PARD3B: variants seen among roughly 807,000 people sequenced by gnomAD.
The protein encoded by PARD3B is par-3 family cell polarity regulator beta.
PARD3B carries 103 observed loss-of-function variants against 130.2 expected under a neutral mutation model. That is an observed-to-expected ratio of 0.79 (90% CI 0.67 to 0.93). The LOEUF (loss-of-function observed/expected upper bound fraction) is 0.93, where lower values mean the gene tolerates loss of function less well. Among genes scored for constraint, PARD3B ranks in the 40% least tolerant of loss-of-function variants. The pLI, the probability that PARD3B is intolerant of heterozygous loss-of-function variation, is 0.00. For missense variants in PARD3B, 1,609 were observed against 1,499.2 expected (o/e 1.07, Z -1.21); for synonymous variants, 583 against 553.2 (o/e 1.05, Z -0.76).
At chr2:205,462,608 T>G (rs1472284764) in intron 20 of PARD3B, among the ~76,000 whole-genome samples, 1 of 152,216 alleles carries the variant, frequency 6.6e-6, no homozygotes, top group Non-Finnish European at 1.5e-5. Context: ...TAATAAACAC[T>G]AACACTTTTC....
At chr2:205,335,587 T>G (rs1319767897) in intron 18 of PARD3B, among the ~76,000 whole-genome samples, 2 of 151,916 alleles carry the variant, frequency 1.3e-5, no homozygotes, top group African/African-American at 4.8e-5. Context: ...CACATAACAC[T>G]GAGGTTTATA....
intron 3 of PARD3B, among the ~76,000 whole-genome samples, chr2:205,033,304 T>G (rs1474303336): frequency 6.6e-6 from 1 of 152,200 alleles, no homozygotes; most frequent in African/African-American, 2.4e-5. Context: ...ATTATTTTAG[T>G]CAAGGTATTT....
chr2:205,464,733 C>T (rs2048564913), intron 20 of PARD3B, among the ~76,000 whole-genome samples: 1 of 152,206 alleles, frequency 6.6e-6, no homozygotes, highest in Non-Finnish European at 1.5e-5. Flanking sequence ...CCAAATCACA[C>T]AGGCCAGATA....
intron 2 of PARD3B, among the ~76,000 whole-genome samples, chr2:204,932,165 G>A (rs1040161973): frequency 1.1e-4 from 17 of 152,018 alleles, no homozygotes; most frequent in African/African-American, 3.6e-4. Context: ...TCAGTATAGA[G>A]GATTGACACA....
chr2:204,742,580 T>C (rs747560922), intron 2 of PARD3B, among the ~76,000 whole-genome samples: 2 of 152,154 alleles, frequency 1.3e-5, no homozygotes, highest in African/African-American at 2.4e-5. Flanking sequence ...TTAACCAGGG[T>C]TGTTTTATTC....
intron 4 of PARD3B, among the ~76,000 whole-genome samples, chr2:205,100,230 G>A (rs999396910): frequency 2.6e-5 from 4 of 152,112 alleles, no homozygotes; most frequent in Admixed American, 6.5e-5. Flanking sequence ...AGAGTATGGT[G>A]CAGAGGCAAC....
chr2:205,183,274 C>T lies in PARD3B; in HGVS notation c.1925-2490C>T, dbSNP rs981513666. On this transcript the variant is annotated intron_variant, in intron 13 of 22. Coordinates refer to ENST00000406610, the MANE Select transcript of PARD3B (RefSeq NM_001302769.2). The surrounding 1 kb of genome is among the most constrained non-coding windows in gnomAD (Gnocchi z 5.2). ...TTTGCCAGGATCATAGACCTTTATT[C>T]CGTAGGCAATGTGTGCAGCTGAAGT... 1.3e-5 allele frequency among the ~76,000 whole-genome samples: 2 copies of T among 152,076 alleles called. No individual in the cohort carries two copies. Among genetic ancestry groups the T allele is most frequent in the Non-Finnish European group, 2.9e-5 (2 of 68,012 alleles).
At chr2:205,088,452 G>C (rs769102064) in intron 4 of PARD3B, among the ~76,000 whole-genome samples, 1 of 152,114 alleles carries the variant, frequency 6.6e-6, no homozygotes, top group African/African-American at 2.4e-5. Context: ...GCTGGGCTTG[G>C]GGGGATGACT....
At chr2:205,395,193 A>G (rs1305769023) in intron 18 of PARD3B, among the ~76,000 whole-genome samples, 2 of 152,148 alleles carry the variant, frequency 1.3e-5, no homozygotes, top group African/African-American at 4.8e-5. Flanking sequence ...TACCCAGTCT[A>G]TAATGGTTGT....
chr2:205,006,238 G>A (rs1466341462), intron 3 of PARD3B, among the ~76,000 whole-genome samples: 2 of 152,072 alleles, frequency 1.3e-5, no homozygotes, highest in African/African-American at 2.4e-5. Context: ...GGTTGGTTCC[G>A]TATCTTTGCA....
At chr2:205,503,037 TCTCTTCCCTCTTCC>T (rs1304437862) in intron 21 of PARD3B, among the ~76,000 whole-genome samples, 1 of 143,034 alleles carries the variant, frequency 7.0e-6, no homozygotes, top group African/African-American at 2.6e-5. Flanking sequence ...CTCTCTCTTC[TCTCTTCCCTCTTCC>T]CTCTTCCCCT....
chr2:205,130,708 A>G (rs538117252), intron 10 of PARD3B, among the ~76,000 whole-genome samples: 42 of 152,334 alleles, frequency 2.8e-4, no homozygotes, highest in Non-Finnish European at 4.4e-4. Flanking sequence ...AAATGTATTT[A>G]TAATTTCTAC....
rs6761602 is a variant in PARD3B, at chr2:204,545,477, C to A, written c.-523C>A. Reference sequence around the variant, plus strand: ...GCCGGGCCCAGGCCGTCGCCGGGACCGCAGGAGCCCAGAGCGCGGGCGCCG... The same window carrying A: ...GCCGGGCCCAGGCCGTCGCCGGGACAGCAGGAGCCCAGAGCGCGGGCGCCG... On this transcript the variant is annotated 5_prime_UTR_variant, in exon 1 of 23. Coordinates refer to ENST00000406610, the MANE Select transcript of PARD3B (RefSeq NM_001302769.2). Among the ~76,000 whole-genome samples the A allele has an allele frequency of 0.017, 2,648 of 152,116 alleles. 76 individuals are homozygous for A. The highest frequency in any genetic ancestry group is 0.059 in the African/African-American group (2,466 of 41,534).
At chr2:204,702,230 G>C (rs567742859) in intron 2 of PARD3B, among the ~76,000 whole-genome samples, 62 of 152,250 alleles carry the variant, frequency 4.1e-4, no homozygotes, top group South Asian at 1.7e-3. Context: ...CTTTTTGGTA[G>C]AGGATTTGTT....
intron 1 of PARD3B, among the ~76,000 whole-genome samples, chr2:204,679,519 A>C (rs2036720307): frequency 6.6e-6 from 1 of 152,192 alleles, no homozygotes; most frequent in Admixed American, 6.5e-5. Flanking sequence ...CAAGATCAAT[A>C]TCTTCACAAT....
At chr2:204,933,289 G>T (rs185457919) in intron 2 of PARD3B, among the ~76,000 whole-genome samples, 279 of 152,256 alleles carry the variant, frequency 1.8e-3, no homozygotes, top group African/African-American at 6.4e-3. Context: ...AAAATTGTGT[G>T]TGGATGTAGG....
rs2040389637 is a variant in PARD3B, at chr2:205,263,362, G to A, written c.2185+17540G>A. ...AGAGGAGGTCCAAGCAAAAGCAGTG[G>A]ATAACAGTGCAAACAGGAACTATTT... On this transcript the variant is annotated intron_variant, in intron 16 of 22. Coordinates refer to ENST00000406610, the MANE Select transcript of PARD3B (RefSeq NM_001302769.2). The surrounding 1 kb of genome is among the most constrained non-coding windows in gnomAD (Gnocchi z 4.0). 6.6e-6 allele frequency among the ~76,000 whole-genome samples: 1 copy of A among 151,480 alleles called. No homozygotes were observed. The highest frequency in any genetic ancestry group is 6.6e-5 in the Admixed American group (1 of 15,176).
chr2:204,874,870 T>C (rs2045774047), intron 2 of PARD3B, among the ~76,000 whole-genome samples: 1 of 152,220 alleles, frequency 6.6e-6, no homozygotes, highest in South Asian at 2.1e-4. Flanking sequence ...CATTCAATAA[T>C]TTTTGTGAAA....
At chr2:204,835,297 C>A (rs561808927) in intron 2 of PARD3B, among the ~76,000 whole-genome samples, 1 of 152,208 alleles carries the variant, frequency 6.6e-6, no homozygotes, top group Non-Finnish European at 1.5e-5. Flanking sequence ...ATGCCACATA[C>A]TTTGGGAATT....
Sources: gnomAD v4.1 joint callset for allele counts (sites outside exome capture counted in the v4.1 genomes callset) on GRCh38, gnomAD v4.1.1 for gene constraint, Gnocchi (gnomAD v3.1) non-coding constraint, MANE v1.5 for transcripts, NCBI Gene and HGNC (gene_info 2026-07-23, HGNC 2026-07-21) for gene names.